The following PTPRD variants were observed in gnomAD, a reference collection of about 807,000 sequenced individuals.
PTPRD encodes receptor-type tyrosine-protein phosphatase delta.
Under a neutral mutation model 214.5 loss-of-function variants are expected in PTPRD, and 34 were observed. That is an observed-to-expected ratio of 0.16 (90% CI 0.12 to 0.21). PTPRD has a LOEUF of 0.21. Ranked by LOEUF, PTPRD falls within the 10% of genes least tolerant of loss-of-function variation. The pLI, the probability that PTPRD is intolerant of heterozygous loss-of-function variation, is 1.00. For missense variants in PTPRD, 2,545 were observed against 2,398.7 expected (o/e 1.06, Z -1.27); for synonymous variants, 1,128 against 845.7 (o/e 1.33, Z -5.79).
intron 9 of PTPRD, among the ~76,000 whole-genome samples, chr9:9,355,258 T>C (rs2053309099): frequency 6.6e-6 from 1 of 151,690 alleles, no homozygotes; most frequent in Non-Finnish European, 1.5e-5. Context: ...AATTATATAT[T>C]ATCAACTGTA....
At chr9:8,425,455 G>A (rs1164126381) in intron 35 of PTPRD, among the ~76,000 whole-genome samples, 1 of 151,808 alleles carries the variant, frequency 6.6e-6, no homozygotes, top group Non-Finnish European at 1.5e-5. Context: ...ACCCTGAGCT[G>A]CAATGACAGT....
At chr9:9,517,113 T>C (rs2096857072) in intron 8 of PTPRD, among the ~76,000 whole-genome samples, 1 of 152,104 alleles carries the variant, frequency 6.6e-6, no homozygotes. Flanking sequence ...TTTAAAAACA[T>C]TAATTTATGC....
intron 3 of PTPRD, among the ~76,000 whole-genome samples, chr9:10,318,891 G>A (rs530902246): frequency 2.2e-4 from 34 of 152,196 alleles, no homozygotes; most frequent in African/African-American, 7.9e-4. Context: ...CATCTGCCTA[G>A]TATGGTGATT....
chr9:8,718,857 G>C (rs1397794177), intron 12 of PTPRD, among the ~76,000 whole-genome samples: 1 of 152,162 alleles, frequency 6.6e-6, no homozygotes, highest in African/African-American at 2.4e-5. Flanking sequence ...GCACGATGGA[G>C]CGTAGTGTTA....
intron 11 of PTPRD, among the ~76,000 whole-genome samples, chr9:9,007,098 T>A (rs1413216691): frequency 6.6e-6 from 1 of 152,110 alleles, no homozygotes; most frequent in Non-Finnish European, 1.5e-5. Flanking sequence ...AAATACTGTG[T>A]GTGCTCCCAT....
intron 8 of PTPRD, among the ~76,000 whole-genome samples, chr9:9,448,290 G>A (rs10977757): frequency 1.4e-4 from 22 of 151,974 alleles, no homozygotes; most frequent in African/African-American, 5.3e-4. Flanking sequence ...TCTAATTGTA[G>A]TCCCCACACG....
chr9:10,235,612 C>A (rs1205657716), intron 3 of PTPRD, among the ~76,000 whole-genome samples: 2 of 151,972 alleles, frequency 1.3e-5, no homozygotes, highest in Non-Finnish European at 2.9e-5. Context: ...TGCCAAACAC[C>A]AGCTGGTCTG....
At chr9:8,334,159 T>G (rs1046123062) in intron 43 of PTPRD, among the ~76,000 whole-genome samples, 7 of 152,136 alleles carry the variant, frequency 4.6e-5, no homozygotes, top group African/African-American at 1.7e-4. Context: ...ATTCAGGACT[T>G]GAAGTCAGCT....
chr9:10,192,275 G>C (rs1277100634), intron 3 of PTPRD, among the ~76,000 whole-genome samples: 1 of 151,968 alleles, frequency 6.6e-6, no homozygotes, highest in Non-Finnish European at 1.5e-5. Context: ...TTAATTGCCT[G>C]AGATGTTATG....
intron 2 of PTPRD, among the ~76,000 whole-genome samples, chr9:10,588,082 A>T (rs1481389295): frequency 6.6e-6 from 1 of 152,062 alleles, no homozygotes. Context: ...AAAGTGTTTT[A>T]GAAAGGGAAT....
At chr9:9,561,499 T>C (rs1310990046) in intron 8 of PTPRD, among the ~76,000 whole-genome samples, 1 of 152,210 alleles carries the variant, frequency 6.6e-6, no homozygotes, top group Admixed American at 6.5e-5. Context: ...ACTAAGTAAA[T>C]GGCCACTGAT....
chr9:10,391,766 C>G (rs1443335937), intron 2 of PTPRD, among the ~76,000 whole-genome samples: 1 of 151,826 alleles, frequency 6.6e-6, no homozygotes, highest in Non-Finnish European at 1.5e-5. Flanking sequence ...CTCTCCTGTG[C>G]ACAAATTCCA....
chr9:9,533,937 T>C (rs2076013251), intron 8 of PTPRD, among the ~76,000 whole-genome samples: 1 of 152,064 alleles, frequency 6.6e-6, no homozygotes, highest in African/African-American at 2.4e-5. Context: ...TAAGATGTAA[T>C]TCAATTCATA....
At chr9:8,608,550 C>T (rs1162616885) in intron 14 of PTPRD, among the ~76,000 whole-genome samples, 1 of 152,062 alleles carries the variant, frequency 6.6e-6, no homozygotes, top group Admixed American at 6.6e-5. Flanking sequence ...CAGTGTCTCT[C>T]CCATATCTTC....
intron 9 of PTPRD, among the ~76,000 whole-genome samples, chr9:9,199,949 A>C (rs968126640): frequency 6.6e-6 from 1 of 152,152 alleles, no homozygotes; most frequent in Non-Finnish European, 1.5e-5. Flanking sequence ...TTTGAAACTT[A>C]GTTTCTGATT....
chr9:9,171,353 A>C (rs1031025578), intron 10 of PTPRD, among the ~76,000 whole-genome samples: 2 of 149,520 alleles, frequency 1.3e-5, no homozygotes, highest in African/African-American at 4.9e-5. Flanking sequence ...ATATATAAAT[A>C]TAATTAGATT....
At chr9:8,660,523 C>T (rs529711353) in intron 12 of PTPRD, among the ~76,000 whole-genome samples, 1 of 152,246 alleles carries the variant, frequency 6.6e-6, no homozygotes, top group South Asian at 2.1e-4. Context: ...TTATTGGTTA[C>T]TGATCTTTGG....
At chr9:10,512,795 T>C (rs942360802) in intron 2 of PTPRD, among the ~76,000 whole-genome samples, 23 of 152,060 alleles carry the variant, frequency 1.5e-4, no homozygotes, top group African/African-American at 4.8e-4. Flanking sequence ...CAACCTAAGG[T>C]TGCAAACCAG....
intron 2 of PTPRD, among the ~76,000 whole-genome samples, chr9:10,554,043 T>C (rs2061933078): frequency 6.6e-6 from 1 of 152,170 alleles, no homozygotes; most frequent in Admixed American, 6.5e-5. Context: ...CTGATTTCCA[T>C]ACAAGAACAT....
Sources: allele counts gnomAD v4.1 joint callset (sites outside exome capture counted in the v4.1 genomes callset), GRCh38; gene constraint gnomAD v4.1.1; transcripts MANE v1.5; gene names NCBI Gene and HGNC (gene_info 2026-07-23, HGNC 2026-07-21).